SLC30A4: variants seen among roughly 807,000 people sequenced by gnomAD.
SLC30A4 encodes the protein solute carrier family 30 member 4, also known as probable proton-coupled zinc antiporter SLC30A4.
In SLC30A4, 20 loss-of-function variants were observed where a neutral mutation model predicts 41.7. The ratio of observed to expected loss-of-function variants is 0.48; its 90% CI spans 0.34 to 0.70. The LOEUF is 0.70. Ranked by LOEUF, SLC30A4 falls within the 30% of genes least tolerant of loss-of-function variation. The pLI is 0.01. For synonymous variants in SLC30A4, 181 were observed against 195.9 expected (o/e 0.92, Z 0.64); for missense variants, 441 against 529.3 (o/e 0.83, Z 1.64).
chr15:45,522,147 G>A lies in SLC30A4; in HGVS notation c.208C>T (p.Gln70Ter). Reference sequence around the variant, plus strand: ...TCCAGTAAGGAATCATCGTCGGCCTGGAGGGTCGGGTGCGCCCCGTTAACA... The same window carrying A: ...TCCAGTAAGGAATCATCGTCGGCCTAGAGGGTCGGGTGCGCCCCGTTAACA... ...RPVNGAHPTL[Q>*]ADDDSLLDQD... Residue 70 changes from glutamine to a stop codon, truncating the protein, a stop_gained, in exon 2 of 8, where the codon CAG becomes TAG. Coordinates refer to ENST00000261867, the MANE Select transcript of SLC30A4 (RefSeq NM_013309.6). LOFTEE classifies it high-confidence loss of function. The A allele has an allele frequency of 1.2e-6, 2 of 1,614,224 alleles. No individual in the cohort carries two copies. Among genetic ancestry groups the A allele is most frequent in the Non-Finnish European group, 1.7e-6 (2 of 1,180,034 alleles).
At position 45,487,551 on chromosome 15, in the gene SLC30A4, C is replaced by G; in HGVS notation, c.976G>C (p.Asp326His). 6.6e-7 allele frequency: 1 copy of G among 1,519,746 alleles called. No individual in the cohort carries two copies. Among genetic ancestry groups the G allele is most frequent in the Non-Finnish European group, 9.1e-7 (1 of 1,095,218 alleles). 94.1% of individuals were successfully genotyped at this position (1,519,746 alleles called of 1,614,324 possible). ...VAFTTFRIIWDTVVIILEGVP... is the reference protein window; with the variant it reads ...VAFTTFRIIWHTVVIILEGVP... ...CCTTCTAGTATTATAACTACTGTAT[C>G]CCATATGATTCGAAATGTTGTAAAA... is the stretch of plus-strand genomic sequence containing the variant. Residue 326 changes from aspartate to histidine, a missense_variant, in exon 6 of 8, where the codon GAT (aspartate) becomes CAT (histidine). This residue lies in a region of SLC30A4 where 100 missense variants were observed against 121.0 expected (regional missense o/e 0.83). Transcript: ENST00000261867.
intron 2 of SLC30A4, 83 bp downstream of exon 2, chr15:45,521,881 A>G: frequency 1.4e-6 from 2 of 1,407,270 alleles, no homozygotes; most frequent in Non-Finnish European, 2.0e-6. Context: ...AAGATGGGTT[A>G]AACCTCAAAG....
chr15:45,495,397 A>T (rs1367408144), intron 3 of SLC30A4, among the ~76,000 whole-genome samples: 1 of 152,180 alleles, frequency 6.6e-6, no homozygotes, highest in Non-Finnish European at 1.5e-5. Flanking sequence ...TCTGGTTTGG[A>T]TGATAAATTA....
chr15:45,482,057 TAAAAAAAAA>T lies in SLC30A4; in HGVS notation c.*3097_*3105del, dbSNP rs57854212. On this transcript the variant is annotated 3_prime_UTR_variant, in exon 8 of 8. Transcript: ENST00000261867. ...GCAACATAGGGAGACCCCATCTCAT[TAAAAAAAAA>T]AAAAAAAAAAAAAAAAAAAGATTTA... 3 of 35,826 alleles carry T rather than the reference TAAAAAAAAA, an allele frequency of 8.4e-5. No homozygotes were observed. Among genetic ancestry groups the T allele is most frequent in the Admixed American group, 4.6e-4 (1 of 2,184 alleles). The allele number at this position is 35,826 out of a possible 1,614,324, so 2.2% of individuals were successfully genotyped here.
chr15:45,498,394 C>G (rs1398792115), intron 3 of SLC30A4, among the ~76,000 whole-genome samples: 1 of 152,118 alleles, frequency 6.6e-6, no homozygotes, highest in Non-Finnish European at 1.5e-5. Context: ...ACTTTTTGAG[C>G]ACCAATATGA....
intron 2 of SLC30A4, among the ~76,000 whole-genome samples, chr15:45,517,509 A>T (rs543055911): frequency 6.6e-6 from 1 of 150,498 alleles, no homozygotes; most frequent in Non-Finnish European, 1.5e-5. Flanking sequence ...ACGTGCCACC[A>T]TGCCTGGCTA....
In SLC30A4 at chr15:45,490,889, G is replaced by C. The variant is rs1595522557; in HGVS notation, c.539-8C>G. ...TCATAGCTGACAAAACCTCTAGAGG[G>C]AAAAACACATATAACAAATACATTT... On this transcript the variant is annotated splice_region_variant and splice_polypyrimidine_tract_variant and intron_variant, in intron 3 of 7. Transcript: ENST00000261867. The C allele has an allele frequency of 3.9e-6, 6 of 1,542,682 alleles. No homozygotes were observed. The highest frequency in any genetic ancestry group is 5.3e-6 in the Non-Finnish European group (6 of 1,141,680).
Position 45,522,015 on chromosome 15 carries a change from A to G in SLC30A4, c.340T>C (p.Leu114=). Reference sequence around the variant, plus strand: ...AAGTACAGAACGGCAGCAATGGTCAACCTGGCTTTCACCTTTCTCTGCTTC... The same window carrying G: ...AAGTACAGAACGGCAGCAATGGTCAGCCTGGCTTTCACCTTTCTCTGCTTC... ...ILKQRKVKAR[L]TIAAVLYLLF... Residue 114 remains leucine, a synonymous_variant, in exon 2 of 8, where the codon TTG becomes CTG. Transcript: ENST00000261867. The G allele has an allele frequency of 6.2e-7, 1 of 1,614,230 alleles. No homozygotes were observed. Among genetic ancestry groups the G allele is most frequent in the Non-Finnish European group, 8.5e-7 (1 of 1,180,040 alleles).
chr15:45,497,301 C>T lies in SLC30A4; in HGVS notation c.539-6420G>A, dbSNP rs1184714596. ...GCCAGGGTAGTTTCAAATTCCTGAC[C>T]TCAGGTGATATGCCAGTATCAGCCT... On this transcript the variant is annotated intron_variant, in intron 3 of 7. Coordinates refer to ENST00000261867, the MANE Select transcript of SLC30A4 (RefSeq NM_013309.6). The T allele has an allele frequency of 3.3e-5, 5 of 152,216 alleles. No individual in the cohort carries two copies. In the East Asian group the frequency reaches 9.7e-4, roughly 29 times the overall value. The allele number at this position is 152,216 out of a possible 1,614,324, so 9.4% of individuals were successfully genotyped here.
At chr15:45,506,863 C>G (rs1892165931) in intron 3 of SLC30A4, among the ~76,000 whole-genome samples, 1 of 152,096 alleles carries the variant, frequency 6.6e-6, no homozygotes, top group African/African-American at 2.4e-5. Flanking sequence ...ACAAAATTCA[C>G]CATTTTAAAG....
intron 3 of SLC30A4, among the ~76,000 whole-genome samples, chr15:45,500,704 C>T (rs191085173): frequency 2.4e-3 from 358 of 151,118 alleles, no homozygotes; most frequent in Admixed American, 5.3e-3. Context: ...TTTTTTGAGA[C>T]GGAGTTTCGC....
chr15:45,514,510 A>ATTTTT (rs751585996), intron 2 of SLC30A4, among the ~76,000 whole-genome samples: 1 of 125,022 alleles, frequency 8.0e-6, no homozygotes, highest in Non-Finnish European at 1.7e-5. Flanking sequence ...TGATATTCCA[A>ATTTTT]TTTTTTTTTT....
intron 3 of SLC30A4, among the ~76,000 whole-genome samples, chr15:45,503,250 G>A (rs1892077283): frequency 6.6e-6 from 1 of 152,042 alleles, no homozygotes; most frequent in South Asian, 2.1e-4. Flanking sequence ...TAGATCAACA[G>A]GACAAAAGAA....
intron 3 of SLC30A4, among the ~76,000 whole-genome samples, chr15:45,497,753 A>G (rs1331612556): frequency 6.6e-6 from 1 of 152,236 alleles, no homozygotes; most frequent in East Asian, 1.9e-4. Context: ...TTCACATGAA[A>G]AACACTGGAT....
At chr15:45,519,955 C>T (rs1433350495) in intron 2 of SLC30A4, among the ~76,000 whole-genome samples, 1 of 152,180 alleles carries the variant, frequency 6.6e-6, no homozygotes, top group East Asian at 1.9e-4. Flanking sequence ...CACAGGTTGT[C>T]TCCTGTCTTT....
intron 3 of SLC30A4, among the ~76,000 whole-genome samples, chr15:45,499,216 T>C (rs1193391327): frequency 6.6e-6 from 1 of 151,530 alleles, no homozygotes; most frequent in Admixed American, 6.6e-5. Context: ...GGACTACAGG[T>C]ACCCACCACC....
At chr15:45,492,131 T>G (rs1467988694) in intron 3 of SLC30A4, among the ~76,000 whole-genome samples, 1 of 151,918 alleles carries the variant, frequency 6.6e-6, no homozygotes, top group Non-Finnish European at 1.5e-5. Context: ...AATTGTACTT[T>G]TAGGACTCTA....
At chr15:45,518,442 T>C (rs1339326887) in intron 2 of SLC30A4, among the ~76,000 whole-genome samples, 2 of 152,222 alleles carry the variant, frequency 1.3e-5, no homozygotes, top group African/African-American at 2.4e-5. Flanking sequence ...GCCTGGCACA[T>C]AGTGTAAGTA....
intron 2 of SLC30A4, among the ~76,000 whole-genome samples, chr15:45,517,810 C>T (rs1892533953): frequency 6.6e-6 from 1 of 151,764 alleles, no homozygotes; most frequent in African/African-American, 2.4e-5. Context: ...TAGCTAGGCG[C>T]GGTGGGGGGC....
Sources: allele counts gnomAD v4.1 joint callset (sites outside exome capture counted in the v4.1 genomes callset), GRCh38; gene constraint gnomAD v4.1.1; regional missense constraint gnomAD v4.1.1; transcripts MANE v1.5; gene names NCBI Gene and HGNC (gene_info 2026-07-23, HGNC 2026-07-21).